The following TAF2 variants were observed in gnomAD, a reference collection of about 807,000 sequenced individuals.
TAF2 encodes TATA-box binding protein associated factor 2.
TAF2 carries 61 observed loss-of-function variants against 138.5 expected under a neutral mutation model. That is an observed-to-expected ratio of 0.44 (90% CI 0.36 to 0.54). TAF2 has a LOEUF of 0.54. TAF2 is among the 20% of genes least tolerant of loss of function. The probability of loss-of-function intolerance (pLI) is 0.00; values close to 1 mark genes in which losing one functional copy is unlikely to be tolerated. For synonymous variants in TAF2, 475 were observed against 469.9 expected (o/e 1.01, Z -0.14); for missense variants, 1,090 against 1,427.9 (o/e 0.76, Z 3.81).
chr8:119,832,023 G>A (rs1011753451), intron 1 of TAF2, among the ~76,000 whole-genome samples: 2 of 152,106 alleles, frequency 1.3e-5, no homozygotes, highest in African/African-American at 2.4e-5. Flanking sequence ...GCCGGGCATC[G>A]TGGCACACGC....
At chr8:119,737,788 G>A (rs956037449) in intron 25 of TAF2, among the ~76,000 whole-genome samples, 23 of 151,904 alleles carry the variant, frequency 1.5e-4, no homozygotes, top group African/African-American at 4.8e-4. Context: ...GATTACAGGC[G>A]TGAGCCACCG....
At chr8:119,744,975 T>C (rs558638165) in intron 23 of TAF2, 1 of 456,276 alleles carries the variant, frequency 2.2e-6, no homozygotes, top group Non-Finnish European at 4.4e-6. Flanking sequence ...AGACTTCCTC[T>C]TCACTCCCTG....
At chr8:119,769,819 G>A (rs192291676) in intron 18 of TAF2, among the ~76,000 whole-genome samples, 6 of 151,054 alleles carry the variant, frequency 4.0e-5, no homozygotes, top group Admixed American at 2.0e-4. Context: ...GTGAAGTGGC[G>A]CGATCTCGGC....
chr8:119,778,177 T>C, intron 17 of TAF2, 48 bp from the exon 18 acceptor site: 2 of 1,109,346 alleles, frequency 1.8e-6, no homozygotes, highest in South Asian at 1.3e-5. Flanking sequence ...CCTAACTTTT[T>C]GTTACTACAA....
At chr8:119,784,549 T>C (rs1345626248) in intron 15 of TAF2, among the ~76,000 whole-genome samples, 1 of 152,104 alleles carries the variant, frequency 6.6e-6, no homozygotes, top group Non-Finnish European at 1.5e-5. Context: ...AATCTGTATA[T>C]AAACAGCAGT....
chr8:119,762,912 G>C, intron 18 of TAF2: 5 of 201,226 alleles, frequency 2.5e-5, no homozygotes, highest in East Asian at 1.3e-4. Context: ...AGAGAAGGAA[G>C]CCACTAAAAA....
intron 4 of TAF2, among the ~76,000 whole-genome samples, chr8:119,804,584 T>C (rs1184176820): frequency 2.6e-5 from 4 of 152,202 alleles, no homozygotes; most frequent in Non-Finnish European, 5.9e-5. Flanking sequence ...CTCTCTCTTT[T>C]TGCTGGCAGC....
intron 17 of TAF2, among the ~76,000 whole-genome samples, chr8:119,780,841 A>C (rs2131132282): frequency 6.6e-6 from 1 of 151,442 alleles, no homozygotes; most frequent in Non-Finnish European, 1.5e-5. Flanking sequence ...AGGCTGAGGC[A>C]GGAGAATGGC....
At chr8:119,753,173 T>C (rs1335194090) in intron 22 of TAF2, among the ~76,000 whole-genome samples, 1 of 152,212 alleles carries the variant, frequency 6.6e-6, no homozygotes, top group Non-Finnish European at 1.5e-5. Context: ...CACACAATTA[T>C]TTTTTCCTAA....
At chr8:119,755,855 C>T (rs1820666657) in intron 22 of TAF2, 151 bp downstream of exon 22, 1 of 635,140 alleles carries the variant, frequency 1.6e-6, no homozygotes, top group Non-Finnish European at 2.7e-6. Context: ...GTTATCACAG[C>T]CACCACTGTG....
intron 3 of TAF2, among the ~76,000 whole-genome samples, chr8:119,818,930 G>A (rs186487498): frequency 3.7e-4 from 56 of 152,174 alleles, no homozygotes; most frequent in African/African-American, 1.3e-3. Flanking sequence ...ATAGTTTAAT[G>A]CAGTCAATTT....
intron 3 of TAF2, among the ~76,000 whole-genome samples, chr8:119,808,997 C>T (rs970108501): frequency 1.3e-5 from 2 of 152,226 alleles, no homozygotes; most frequent in African/African-American, 4.8e-5. Context: ...TTCCCAGCTG[C>T]ATTAGCCCCT....
intron 15 of TAF2, among the ~76,000 whole-genome samples, chr8:119,783,886 A>T (rs1465978666): frequency 6.6e-6 from 1 of 152,206 alleles, no homozygotes; most frequent in Non-Finnish European, 1.5e-5. Flanking sequence ...ATAAGAAAAT[A>T]TTAATTGTCT....
intron 25 of TAF2, among the ~76,000 whole-genome samples, chr8:119,740,409 C>T (rs1019297431): frequency 2.0e-5 from 3 of 148,360 alleles, no homozygotes; most frequent in Admixed American, 6.9e-5. Flanking sequence ...GATCCTAGCA[C>T]TTTGGGAGGC....
chr8:119,814,570 G>T (rs1360101016), intron 3 of TAF2, among the ~76,000 whole-genome samples: 1 of 151,770 alleles, frequency 6.6e-6, no homozygotes, highest in Non-Finnish European at 1.5e-5. Context: ...TTTTGACACT[G>T]AAAAGTTGGG....
rs761829674 is a variant in TAF2, at chr8:119,762,562, T to C, written c.2411A>G (p.Asn804Ser). Residue 804 changes from asparagine (N) to serine (S), a missense_variant, in exon 19 of 26, where the codon AAC becomes AGC. Physicochemically the swap from Asn to Ser is conservative, Grantham distance 46 (BLOSUM62 1). Transcript: ENST00000378164. ...YRAEMIDALANSVTPAVSVNN... is the reference protein window; with the variant it reads ...YRAEMIDALASSVTPAVSVNN... ...CACACTGACTGCAGGTGTAACAGAG[T>C]TGGCCAGGGCATCAATCATTTCTGC... The C allele has an allele frequency of 2.5e-6, 4 of 1,613,394 alleles. No homozygotes were observed. The highest frequency in any genetic ancestry group is 2.7e-5 in the African/African-American group (2 of 74,826).
chr8:119,766,304 G>C (rs947263704), intron 18 of TAF2, among the ~76,000 whole-genome samples: 3 of 152,138 alleles, frequency 2.0e-5, no homozygotes, highest in Non-Finnish European at 2.9e-5. Context: ...GGTGCTACAA[G>C]CATTTAATGG....
intron 18 of TAF2, among the ~76,000 whole-genome samples, chr8:119,765,185 C>A (rs1821335761): frequency 6.6e-6 from 1 of 151,902 alleles, no homozygotes; most frequent in Non-Finnish European, 1.5e-5. Flanking sequence ...GACACAGAGA[C>A]ACAATTAAAT....
intron 3 of TAF2, among the ~76,000 whole-genome samples, chr8:119,812,892 T>C (rs1318281235): frequency 1.3e-5 from 2 of 152,166 alleles, no homozygotes; most frequent in Non-Finnish European, 2.9e-5. Flanking sequence ...CAATTGTGAA[T>C]TGTGCTGCAA....
Sources: gnomAD v4.1 joint callset for allele counts (sites outside exome capture counted in the v4.1 genomes callset) on GRCh38, gnomAD v4.1.1 for gene constraint, MANE v1.5 for transcripts, NCBI Gene and HGNC (gene_info 2026-07-23, HGNC 2026-07-21) for gene names.